SLC38A6: variants seen among roughly 807,000 people sequenced by gnomAD.
SLC38A6 encodes solute carrier family 38 member 6.
SLC38A6 carries 73 observed loss-of-function variants against 65.0 expected under a neutral mutation model. That is an observed-to-expected ratio of 1.12 (90% CI 0.93 to 1.37). The LOEUF is 1.37. Ranked by LOEUF, SLC38A6 falls within the 40% of genes most tolerant of loss-of-function variation. SLC38A6 has a pLI of 0.00. For missense variants in SLC38A6, 561 were observed against 531.1 expected, an observed-to-expected ratio of 1.06 and a Z score of -0.55; for synonymous variants, 183 against 178.8, an observed-to-expected ratio of 1.02 and a Z score of -0.19.
chr14:61,001,739 C>G (rs1469431510), intron 3 of SLC38A6, among the ~76,000 whole-genome samples: 1 of 152,192 alleles, frequency 6.6e-6, no homozygotes, highest in East Asian at 1.9e-4. Flanking sequence ...AGCAAAAGCT[C>G]AGCTACACTA....
intron 5 of SLC38A6, among the ~76,000 whole-genome samples, chr14:61,029,637 G>C (rs1360284974): frequency 6.6e-6 from 1 of 152,014 alleles, no homozygotes; most frequent in Non-Finnish European, 1.5e-5. Context: ...TATAGAATTT[G>C]TTTTTATAGC....
At chr14:61,023,916 A>C (rs1162643004) in intron 5 of SLC38A6, among the ~76,000 whole-genome samples, 1 of 152,182 alleles carries the variant, frequency 6.6e-6, no homozygotes, top group Non-Finnish European at 1.5e-5. Context: ...TACTTAGCAC[A>C]TAGTATACAT....
Position 61,037,118 on chromosome 14 carries a change from C to G in SLC38A6, c.542C>G (p.Pro181Arg). 2 of 1,606,144 alleles carry G rather than the reference C, an allele frequency of 1.2e-6. No homozygotes were observed. The highest frequency in any genetic ancestry group is 1.1e-5 in the South Asian group (1 of 89,734). Residue 181 changes from proline to arginine, a missense_variant, in exon 7 of 16, where the codon CCT becomes CGT. By Grantham distance (103) the Pro-to-Arg change is moderately radical (BLOSUM62 -2). Coordinates refer to ENST00000267488, the MANE Select transcript of SLC38A6 (RefSeq NM_153811.3). ...ATCATATGTGTTGGCATTGTGTTCC[C>G]TCTTGCACTTCTTCCCAAAATAGGT... is the stretch of plus-strand genomic sequence containing the variant. ...LIIICVGIVF[P>R]LALLPKIGFL...
intron 3 of SLC38A6, among the ~76,000 whole-genome samples, chr14:61,007,071 G>T (rs887031120): frequency 1.3e-5 from 2 of 151,930 alleles, no homozygotes; most frequent in African/African-American, 4.8e-5. Context: ...ACTATCCCAA[G>T]GACAAAAAAC....
At chr14:61,012,107 G>C (rs1199580786) in intron 3 of SLC38A6, among the ~76,000 whole-genome samples, 3 of 152,056 alleles carry the variant, frequency 2.0e-5, no homozygotes, top group African/African-American at 4.8e-5. Context: ...CTGGTTTAGT[G>C]TTGGGAGGGT....
intron 15 of SLC38A6, among the ~76,000 whole-genome samples, chr14:61,062,267 C>T (rs1329862390): frequency 3.3e-5 from 5 of 152,164 alleles, no homozygotes; most frequent in Admixed American, 1.3e-4. Flanking sequence ...ATGGCTGTAA[C>T]ATTTTATATT....
intron 5 of SLC38A6, among the ~76,000 whole-genome samples, chr14:61,022,394 A>G (rs973376768): frequency 6.6e-6 from 1 of 151,756 alleles, no homozygotes; most frequent in Non-Finnish European, 1.5e-5. Flanking sequence ...TGGAACTTCT[A>G]GTCCATGTAT....
At chr14:61,080,631 A>C (rs977153952) in intron 16 of SLC38A6, among the ~76,000 whole-genome samples, 5 of 152,212 alleles carry the variant, frequency 3.3e-5, no homozygotes, top group Non-Finnish European at 5.9e-5. Context: ...TTGTCTCTGC[A>C]TGAAGGCAGC....
At chr14:61,040,627 C>G (rs2041739901) in intron 8 of SLC38A6, among the ~76,000 whole-genome samples, 1 of 152,146 alleles carries the variant, frequency 6.6e-6, no homozygotes, top group Non-Finnish European at 1.5e-5. Flanking sequence ...GTGTGAGCCA[C>G]CGCGCCTGGC....
chr14:61,032,047 G>A (rs1327074105), intron 6 of SLC38A6, among the ~76,000 whole-genome samples: 3 of 151,790 alleles, frequency 2.0e-5, no homozygotes, highest in Non-Finnish European at 4.4e-5. Context: ...GTATAAACAA[G>A]CATGTGTGTA....
chr14:61,043,462 A>G lies in SLC38A6; in HGVS notation c.703A>G (p.Thr235Ala). 6.2e-7 allele frequency: 1 copy of G among 1,607,950 alleles called. No homozygotes were observed. The highest frequency in any genetic ancestry group is 8.5e-7 in the Non-Finnish European group (1 of 1,177,554). The change falls in exon 10 of 16, where the codon ACA (threonine) becomes GCA (alanine). Residue 235 changes from threonine to alanine, a missense_variant. Coordinates refer to ENST00000267488, the MANE Select transcript of SLC38A6 (RefSeq NM_153811.3). ...TGCTCTTAAACAGATTTCAAATGTT[A>G]CAGATGATTGTAAGCCAAAGCTCTT... ...VEKGFQISNVTDDCKPKLFHF... is the reference protein window; with the variant it reads ...VEKGFQISNVADDCKPKLFHF...
rs1386894363 is a variant in SLC38A6, at chr14:61,045,442, G to A, written c.824+17G>A. The A allele has an allele frequency of 6.4e-7, 1 of 1,562,338 alleles. No homozygotes were observed. The highest frequency in any genetic ancestry group is 8.8e-7 in the Non-Finnish European group (1 of 1,137,112). The stretch of plus-strand genomic sequence containing the variant: ...ACTTCAAAGGTACTGTAGAATCCTG[G>A]AATATTTTAAATATATTGTGTATCT... On this transcript the variant is annotated intron_variant, in intron 11 of 15. Coordinates refer to ENST00000267488, the MANE Select transcript of SLC38A6 (RefSeq NM_153811.3).
intron 3 of SLC38A6, among the ~76,000 whole-genome samples, chr14:60,999,692 C>T (rs1015035478): frequency 1.3e-5 from 2 of 152,144 alleles, no homozygotes; most frequent in African/African-American, 4.8e-5. Context: ...AATTCAGTCA[C>T]ATGTATCATG....
intron 3 of SLC38A6, among the ~76,000 whole-genome samples, chr14:61,012,377 T>C (rs991131162): frequency 3.3e-5 from 5 of 152,206 alleles, no homozygotes; most frequent in Admixed American, 6.5e-5. Flanking sequence ...TTTGTGTCTC[T>C]ATTTCCTTCA....
chr14:61,016,899 T>C (rs144898157), intron 4 of SLC38A6, among the ~76,000 whole-genome samples: 21 of 152,314 alleles, frequency 1.4e-4, no homozygotes, highest in African/African-American at 4.3e-4. Flanking sequence ...TACTTACCAT[T>C]TTTTGTTTTA....
At chr14:61,043,576 G>T (rs571662354) in intron 10 of SLC38A6, 73 bp downstream of exon 10, 2 of 1,067,770 alleles carry the variant, frequency 1.9e-6, no homozygotes, top group East Asian at 2.4e-5. Flanking sequence ...GTGTAACAGG[G>T]TCTCTTAGGT....
intron 15 of SLC38A6, among the ~76,000 whole-genome samples, chr14:61,074,724 TTC>T (rs1350093051): frequency 2.7e-5 from 4 of 147,386 alleles, no homozygotes; most frequent in African/African-American, 1.0e-4. Context: ...CCTTCCTTCC[TTC>T]TCTTTCTTTT....
At chr14:61,072,118 G>A (rs1301576137) in intron 15 of SLC38A6, among the ~76,000 whole-genome samples, 1 of 152,128 alleles carries the variant, frequency 6.6e-6, no homozygotes, top group African/African-American at 2.4e-5. Flanking sequence ...CTCCCAAGAT[G>A]GCCTTTGAAT....
intron 3 of SLC38A6, among the ~76,000 whole-genome samples, chr14:61,013,879 G>A (rs540069408): frequency 5.9e-5 from 9 of 152,164 alleles, no homozygotes; most frequent in East Asian, 5.8e-4. Flanking sequence ...TGCTCTTCTC[G>A]TGGAGTATGT....
Sources: allele counts gnomAD v4.1 joint callset (sites outside exome capture counted in the v4.1 genomes callset), GRCh38; gene constraint gnomAD v4.1.1; transcripts MANE v1.5; gene names NCBI Gene and HGNC (gene_info 2026-07-23, HGNC 2026-07-21).